RNLS: variants seen among roughly 807,000 people sequenced by gnomAD.
RNLS encodes the protein renalase, FAD dependent amine oxidase, also known as renalase.
A neutral mutation model predicts 39.8 loss-of-function variants in RNLS; 39 were observed. The ratio of observed to expected loss-of-function variants is 0.98; its 90% CI spans 0.76 to 1.28. The LOEUF (loss-of-function observed/expected upper bound fraction) is 1.28. Ranked by LOEUF, RNLS falls within the 50% of genes most tolerant of loss-of-function variation. The pLI, the probability that RNLS is intolerant of heterozygous loss-of-function variation, is 0.00. For synonymous variants in RNLS, 147 were observed against 150.7 expected (o/e 0.98, Z 0.18); for missense variants, 410 against 413.3 (o/e 0.99, Z 0.07).
chr10:88,439,220 A>G (rs917754818), intron 4 of RNLS, among the ~76,000 whole-genome samples: 24 of 152,250 alleles, frequency 1.6e-4, no homozygotes, highest in African/African-American at 5.5e-4. Flanking sequence ...GCTGCTTTAA[A>G]TAAATCTCAA....
intron 6 of RNLS, among the ~76,000 whole-genome samples, chr10:88,306,489 A>T (rs543156433): frequency 5.7e-4 from 87 of 152,336 alleles, no homozygotes; most frequent in Non-Finnish European, 1.1e-3. Flanking sequence ...CGAAAAAACA[A>T]GCAGGATATT....
chr10:88,244,254 C>T, the RNLS span, among the ~76,000 whole-genome samples: 6 of 152,142 alleles, frequency 3.9e-5, no homozygotes, highest in East Asian at 7.7e-4. Flanking sequence ...CTGCCCAGGG[C>T]GCTGCCCACT....
chr10:88,217,311 G>A, the RNLS span, among the ~76,000 whole-genome samples: 1 of 152,200 alleles, frequency 6.6e-6, no homozygotes, highest in Non-Finnish European at 1.5e-5. Flanking sequence ...TCTTCTGAAA[G>A]GGTATGGACT....
At chr10:88,211,592 G>T in the RNLS span, among the ~76,000 whole-genome samples, 297 of 152,312 alleles carry the variant, frequency 1.9e-3, no homozygotes, top group Non-Finnish European at 3.1e-3. Context: ...AAAGACAGGG[G>T]AAAAGACGGG....
the RNLS span, among the ~76,000 whole-genome samples, chr10:88,267,282 T>C: frequency 6.6e-6 from 1 of 152,120 alleles, no homozygotes; most frequent in Non-Finnish European, 1.5e-5. Flanking sequence ...AGAGATGCTA[T>C]AAAGCAAAAG....
Position 88,581,485 on chromosome 10 carries a change from A to T in RNLS, c.367+82T>A. On this transcript the variant is annotated intron_variant, in intron 3 of 6. Transcript: ENST00000331772. ...GCACCTAATATTTATAATTTCCTGTATAGTATTAATATGTAACTATGTGTG... is the reference window on the plus strand; with the variant it reads ...GCACCTAATATTTATAATTTCCTGTTTAGTATTAATATGTAACTATGTGTG... 3.3e-6 allele frequency: 4 copies of T among 1,196,134 alleles called. No individual in the cohort carries two copies. In the South Asian group the frequency reaches 7.0e-5, roughly 21 times the overall value. 74.1% of individuals were successfully genotyped at this position (1,196,134 alleles called of 1,614,324 possible).
chr10:88,295,686 T>G (rs932228959), intron 6 of RNLS, among the ~76,000 whole-genome samples: 42 of 152,144 alleles, frequency 2.8e-4, no homozygotes, highest in Non-Finnish European at 5.9e-4. Context: ...TTTATTGGCA[T>G]TTGTCTATTC....
intron 4 of RNLS, among the ~76,000 whole-genome samples, chr10:88,404,096 T>C (rs999792725): frequency 6.6e-6 from 1 of 152,086 alleles, no homozygotes; most frequent in African/African-American, 2.4e-5. Flanking sequence ...TAATCCATAC[T>C]ATTTACTGAT....
chr10:88,234,385 A>G, the RNLS span, among the ~76,000 whole-genome samples: 1 of 152,042 alleles, frequency 6.6e-6, no homozygotes, highest in Non-Finnish European at 1.5e-5. Flanking sequence ...CATTCCAGGG[A>G]GTGCCCCATC....
chr10:88,282,526 C>T (rs1014320797), downstream of RNLS, among the ~76,000 whole-genome samples: 10 of 138,572 alleles, frequency 7.2e-5, no homozygotes, highest in African/African-American at 2.4e-4. Context: ...CACACACACA[C>T]GCTTGGATGA....
intron 4 of RNLS, among the ~76,000 whole-genome samples, chr10:88,375,675 G>C (rs899780837): frequency 6.6e-6 from 1 of 152,140 alleles, no homozygotes; most frequent in African/African-American, 2.4e-5. Flanking sequence ...ATTTCACTGT[G>C]CTAGTTTCTC....
chr10:88,404,093 T>C (rs905548146), intron 4 of RNLS, among the ~76,000 whole-genome samples: 1 of 152,068 alleles, frequency 6.6e-6, no homozygotes, highest in Non-Finnish European at 1.5e-5. Flanking sequence ...CTATAATCCA[T>C]ACTATTTACT....
chr10:88,206,784 G>A, the RNLS span, among the ~76,000 whole-genome samples: 1 of 152,038 alleles, frequency 6.6e-6, no homozygotes, highest in South Asian at 2.1e-4. Flanking sequence ...TCAATAACAG[G>A]ATTTAGACAT....
chr10:88,266,694 TACACACACACACACAC>T, the RNLS span, among the ~76,000 whole-genome samples: 27 of 134,212 alleles, frequency 2.0e-4, no homozygotes, highest in African/African-American at 5.5e-4. Context: ...TTCTTTTAAA[TACACACACACACACAC>T]ACACACACAC....
intron 4 of RNLS, among the ~76,000 whole-genome samples, chr10:88,501,458 G>C (rs1173261419): frequency 6.6e-6 from 1 of 152,106 alleles, no homozygotes; most frequent in Non-Finnish European, 1.5e-5. Context: ...GATTTTACTT[G>C]AACAATGAGG....
chr10:88,175,204 G>A, the RNLS span, among the ~76,000 whole-genome samples: 1 of 151,796 alleles, frequency 6.6e-6, no homozygotes. Flanking sequence ...CAAAAAAAAT[G>A]AATTTTTTGT....
the RNLS span, among the ~76,000 whole-genome samples, chr10:88,214,387 G>C: frequency 6.6e-6 from 1 of 151,358 alleles, no homozygotes; most frequent in Non-Finnish European, 1.5e-5. Flanking sequence ...ACCAATATAA[G>C]ACTCAGGTTT....
At chr10:88,581,750 C>T (rs1850578796) in intron 2 of RNLS, 41 bp from the exon 3 acceptor site, 1 of 1,298,330 alleles carries the variant, frequency 7.7e-7, no homozygotes, top group Non-Finnish European at 1.0e-6. Flanking sequence ...AATTATATAC[C>T]ATGAATAGCT....
At chr10:88,530,920 G>A (rs1311141848) in intron 4 of RNLS, among the ~76,000 whole-genome samples, 2 of 152,104 alleles carry the variant, frequency 1.3e-5, no homozygotes, top group Non-Finnish European at 2.9e-5. Context: ...GAGCACCAAG[G>A]CAGGATCATC....
Sources: gnomAD v4.1 joint callset for allele counts (sites outside exome capture counted in the v4.1 genomes callset) on GRCh38, gnomAD v4.1.1 for gene constraint, MANE v1.5 for transcripts, NCBI Gene and HGNC (gene_info 2026-07-23, HGNC 2026-07-21) for gene names.